The following C10orf90 variants were observed in gnomAD, a reference collection of about 807,000 sequenced individuals.
C10orf90 encodes chromosome 10 open reading frame 90, also known as (E2-independent) E3 ubiquitin-conjugating enzyme FATS.
C10orf90 carries 56 observed loss-of-function variants against 62.5 expected under a neutral mutation model. The ratio of observed to expected loss-of-function variants is 0.90; its 90% confidence interval spans 0.72 to 1.12. The LOEUF (loss-of-function observed/expected upper bound fraction) is 1.12, where lower values mean the gene tolerates loss of function less well. C10orf90 is among the 50% of genes most tolerant of loss of function. The pLI is 0.00. For synonymous variants in C10orf90, 386 were observed against 340.4 expected, an observed-to-expected ratio of 1.13 and a Z score of -1.47; for missense variants, 970 against 880.4, an observed-to-expected ratio of 1.10 and a Z score of -1.29.
chr10:126,589,999 AAT>A (rs1844947794), intron 2 of C10orf90, among the ~76,000 whole-genome samples: 1 of 152,306 alleles, frequency 6.6e-6, no homozygotes, highest in African/African-American at 2.4e-5. Context: ...GATGGAGGAA[AAT>A]TTACCAAGAA....
chr10:126,503,648 T>C (rs1216241760), intron 4 of C10orf90, among the ~76,000 whole-genome samples: 1 of 152,162 alleles, frequency 6.6e-6, no homozygotes, highest in Non-Finnish European at 1.5e-5. Context: ...TGGAACGCAA[T>C]TTGGGCATGT....
At chr10:126,488,475 AAAAT>A (rs1310386309) in intron 4 of C10orf90, among the ~76,000 whole-genome samples, 1 of 152,118 alleles carries the variant, frequency 6.6e-6, no homozygotes, top group East Asian at 1.9e-4. Context: ...AATACAGGAC[AAAAT>A]AAATAAACAA....
intron 2 of C10orf90, among the ~76,000 whole-genome samples, chr10:126,634,898 T>C (rs1379300106): frequency 1.3e-5 from 2 of 152,190 alleles, no homozygotes; most frequent in African/African-American, 4.8e-5. Flanking sequence ...AAAATTTTAA[T>C]CCGTGCTCTG....
intron 2 of C10orf90, among the ~76,000 whole-genome samples, chr10:126,539,308 G>A (rs1357061925): frequency 6.6e-6 from 1 of 152,230 alleles, no homozygotes; most frequent in Non-Finnish European, 1.5e-5. Flanking sequence ...AATTATTACA[G>A]ACAGGTGAAG....
At chr10:126,568,922 G>C (rs1172889830) in intron 2 of C10orf90, among the ~76,000 whole-genome samples, 4 of 152,152 alleles carry the variant, frequency 2.6e-5, no homozygotes, top group Non-Finnish European at 5.9e-5. Context: ...GAGGTTTAGG[G>C]CACCTCCCAG....
chr10:126,512,404 CTGTGTGTCTGTGTGTGTG>C (rs1863183925), intron 3 of C10orf90, among the ~76,000 whole-genome samples: 2 of 21,588 alleles, frequency 9.3e-5, no homozygotes, highest in East Asian at 3.4e-3. Flanking sequence ...GTGTGTGTGT[CTGTGTGTCTGTGTGTGTG>C]TGTGTGTGTT....
intron 2 of C10orf90, among the ~76,000 whole-genome samples, chr10:126,581,267 G>A (rs1324356209): frequency 1.3e-5 from 2 of 152,222 alleles, no homozygotes; most frequent in Non-Finnish European, 2.9e-5. Context: ...AAGGAAAAGG[G>A]CACATTACAG....
At chr10:126,510,187 T>C (rs1168396899) in intron 3 of C10orf90, among the ~76,000 whole-genome samples, 1 of 152,140 alleles carries the variant, frequency 6.6e-6, no homozygotes, top group Non-Finnish European at 1.5e-5. Flanking sequence ...TCTGAGAAAG[T>C]AGAGGATAGG....
intron 2 of C10orf90, among the ~76,000 whole-genome samples, chr10:126,601,769 G>A (rs929605204): frequency 4.6e-5 from 7 of 152,362 alleles, no homozygotes; most frequent in African/African-American, 1.2e-4. Context: ...AAAGAATAGC[G>A]GGGACCCCGC....
intron 2 of C10orf90, among the ~76,000 whole-genome samples, chr10:126,571,432 C>G (rs921013058): frequency 3.9e-5 from 6 of 152,160 alleles, no homozygotes; most frequent in Non-Finnish European, 8.8e-5. Flanking sequence ...AGCAGAGACT[C>G]CTAGCAGCCA....
chr10:126,615,739 C>T (rs1845528229), intron 2 of C10orf90, among the ~76,000 whole-genome samples: 2 of 152,094 alleles, frequency 1.3e-5, no homozygotes, highest in Admixed American at 6.5e-5. Flanking sequence ...CACCTATGCT[C>T]AGATCATGGT....
chr10:126,513,945 C>G lies in C10orf90; in HGVS notation c.314-6G>C. 6.3e-7 allele frequency: 1 copy of G among 1,594,848 alleles called. No individual in the cohort carries two copies. On this transcript the variant is annotated splice_region_variant and splice_polypyrimidine_tract_variant and intron_variant, in intron 2 of 9. Coordinates refer to ENST00000488181, the MANE Select transcript of C10orf90 (RefSeq NM_001350921.2). ...GTGGTAGCTGTCCCGTAATCCTAGG[C>G]AAAAGAAGATAATATTGCTACTTTT...
chr10:126,437,280 AT>A (rs1268740954), intron 7 of C10orf90, among the ~76,000 whole-genome samples: 2 of 152,228 alleles, frequency 1.3e-5, no homozygotes, highest in African/African-American at 4.8e-5. Flanking sequence ...TTTCACATAA[AT>A]GTCAACATCT....
chr10:126,600,975 T>A (rs1230850686), intron 2 of C10orf90, among the ~76,000 whole-genome samples: 1 of 152,218 alleles, frequency 6.6e-6, no homozygotes, highest in Non-Finnish European at 1.5e-5. Flanking sequence ...CAAGAAAATA[T>A]GGCATCTGTA....
chr10:126,522,753 T>C (rs1366297111), intron 2 of C10orf90: 1 of 152,216 alleles, frequency 6.6e-6, no homozygotes, highest in Non-Finnish European at 1.5e-5. Flanking sequence ...AGACTAAAGC[T>C]GCGAGTTTGC....
chr10:126,523,484 G>A (rs1270558254), intron 2 of C10orf90: 1 of 141,580 alleles, frequency 7.1e-6, no homozygotes, highest in African/African-American at 2.7e-5. Context: ...TCACAGTCTT[G>A]AGGAGATGAC....
intron 2 of C10orf90, among the ~76,000 whole-genome samples, chr10:126,591,502 C>A (rs776242861): frequency 6.6e-6 from 1 of 152,144 alleles, no homozygotes; most frequent in Non-Finnish European, 1.5e-5. Flanking sequence ...AACATCCCTT[C>A]ATGTTAAAAA....
Position 126,670,303 on chromosome 10 carries a change from C to T in C10orf90, c.178G>A (p.Val60Ile), listed in dbSNP as rs1367323755. The change falls in exon 1 of 10, where the codon GTT becomes ATT. Residue 60 changes from valine (V) to isoleucine (I), a missense_variant. Transcript: ENST00000488181. ...CCTTGACACATATGGATGATACAAA[C>T]TTTGGCTCTTCTCTGGGAGGGAAAC... Reference protein sequence around the residue: ...NWFPSQRRAKVCIIHMCQGLK... With the variant: ...NWFPSQRRAKICIIHMCQGLK... The T allele has an allele frequency of 1.3e-5, 6 of 456,594 alleles. No individual in the cohort carries two copies. Among genetic ancestry groups the T allele is most frequent in the African/African-American group, 8.0e-5 (4 of 50,064 alleles). 28.3% of individuals were successfully genotyped at this position (456,594 alleles called of 1,614,324 possible).
intron 4 of C10orf90, among the ~76,000 whole-genome samples, chr10:126,465,322 T>C (rs1860220018): frequency 1.3e-5 from 2 of 152,112 alleles, no homozygotes; most frequent in South Asian, 4.1e-4. Flanking sequence ...GGTAAGGCAA[T>C]AATATAATGG....
Sources: gnomAD v4.1 joint callset for allele counts (sites outside exome capture counted in the v4.1 genomes callset) on GRCh38, gnomAD v4.1.1 for gene constraint, MANE v1.5 for transcripts, NCBI Gene and HGNC (gene_info 2026-07-23, HGNC 2026-07-21) for gene names.